The following RIMS2 variants were observed in gnomAD, a reference collection of about 807,000 sequenced individuals.
The protein encoded by RIMS2 is regulating synaptic membrane exocytosis protein 2.
In RIMS2, 59 loss-of-function variants were observed where a neutral mutation model predicts 174.4. That is an observed-to-expected ratio of 0.34 (90% CI 0.27 to 0.42). The LOEUF (loss-of-function observed/expected upper bound fraction) is 0.42, where lower values mean the gene tolerates loss of function less well. Among genes scored for constraint, RIMS2 ranks in the 10% least tolerant of loss-of-function variants. The probability of loss-of-function intolerance (pLI) is 1.00; values close to 1 mark genes in which losing one functional copy is unlikely to be tolerated. For missense variants in RIMS2, 1,620 were observed against 1,666.3 expected, an observed-to-expected ratio of 0.97 and a Z score of 0.48; for synonymous variants, 606 against 572.5, an observed-to-expected ratio of 1.06 and a Z score of -0.84.
intron 1 of RIMS2, among the ~76,000 whole-genome samples, chr8:103,533,661 CAAAAAAAAA>C (rs34355378): frequency 0.013 from 835 of 66,080 alleles, 11 homozygotes; most frequent in African/African-American, 0.045. Context: ...GACCCTGTCT[CAAAAAAAAA>C]AAAAAAAAAA....
At chr8:103,582,559 C>T (rs1320245443) in intron 1 of RIMS2, among the ~76,000 whole-genome samples, 1 of 152,138 alleles carries the variant, frequency 6.6e-6, no homozygotes, top group Non-Finnish European at 1.5e-5. Context: ...GGAGTCCATA[C>T]CTGGAAGGGT....
intron 1 of RIMS2, among the ~76,000 whole-genome samples, chr8:103,597,114 A>G (rs2094507596): frequency 6.6e-6 from 1 of 152,188 alleles, no homozygotes; most frequent in East Asian, 1.9e-4. Flanking sequence ...TTAAGAACAT[A>G]TGCTTATTTT....
intron 19 of RIMS2, among the ~76,000 whole-genome samples, chr8:104,169,013 T>C (rs1219880104): frequency 6.6e-6 from 1 of 151,992 alleles, no homozygotes; most frequent in Non-Finnish European, 1.5e-5. Flanking sequence ...GATCGTAGTG[T>C]ATTATCTTTT....
At chr8:103,523,985 C>CA (rs896508899) in intron 1 of RIMS2, among the ~76,000 whole-genome samples, 1 of 151,800 alleles carries the variant, frequency 6.6e-6, no homozygotes, top group African/African-American at 2.4e-5. Flanking sequence ...TTTTGCTACC[C>CA]AAAAAATGAA....
intron 3 of RIMS2, among the ~76,000 whole-genome samples, chr8:103,827,464 T>G (rs889342335): frequency 6.6e-6 from 1 of 152,242 alleles, no homozygotes; most frequent in Non-Finnish European, 1.5e-5. Flanking sequence ...TTTTATTGCC[T>G]TATTATAATG....
intron 19 of RIMS2, among the ~76,000 whole-genome samples, chr8:104,101,186 G>T (rs1470264517): frequency 6.7e-6 from 1 of 149,924 alleles, no homozygotes; most frequent in African/African-American, 2.5e-5. Context: ...GAGTGCAGTG[G>T]CACAATCTCG....
chr8:104,198,205 CA>C (rs2099035664), intron 19 of RIMS2, among the ~76,000 whole-genome samples: 1 of 152,154 alleles, frequency 6.6e-6, no homozygotes, highest in African/African-American at 2.4e-5. Flanking sequence ...GTTAACAAGG[CA>C]ACAAAGGTTG....
At chr8:103,990,862 A>G (rs572999290) in intron 17 of RIMS2, among the ~76,000 whole-genome samples, 60 of 152,086 alleles carry the variant, frequency 3.9e-4, no homozygotes, top group Admixed American at 6.5e-4. Context: ...AGACAAATAA[A>G]TGCTGTCTAA....
At chr8:103,757,218 A>G (rs2098032544) in intron 2 of RIMS2, among the ~76,000 whole-genome samples, 1 of 152,108 alleles carries the variant, frequency 6.6e-6, no homozygotes. Context: ...TATTAGGTTA[A>G]AGCATTGCTA....
chr8:104,171,524 G>A (rs1438170429), intron 19 of RIMS2, among the ~76,000 whole-genome samples: 1 of 150,890 alleles, frequency 6.6e-6, no homozygotes, highest in African/African-American at 2.4e-5. Flanking sequence ...ATCTCTCTCT[G>A]GAAAATTTTT....
rs769602747 is a variant in RIMS2, at chr8:103,630,199, G to A, written c.177-66887G>A. Among the ~76,000 whole-genome samples the A allele has an allele frequency of 2.2e-4, 34 of 151,526 alleles. 1 individual carries two copies. The highest frequency in any genetic ancestry group is 2.9e-4 in the Non-Finnish European group (20 of 67,918). On this transcript the variant is annotated intron_variant, in intron 1 of 23. Transcript: ENST00000504942. ...CTAGAAAGAAATGATGCCTAACATA[G>A]GAGTAATAATAGTTTGACTAGAAGA... is the stretch of plus-strand genomic sequence containing the variant.
chr8:103,992,058 GA>G (rs546650344), intron 17 of RIMS2, among the ~76,000 whole-genome samples: 43 of 152,004 alleles, frequency 2.8e-4, no homozygotes, highest in African/African-American at 9.6e-4. Flanking sequence ...TAGTAAACAA[GA>G]AAAAAAGAGA....
intron 3 of RIMS2, among the ~76,000 whole-genome samples, chr8:103,789,355 C>G (rs1351588336): frequency 6.6e-6 from 1 of 152,132 alleles, no homozygotes; most frequent in Non-Finnish European, 1.5e-5. Context: ...ATCTCTCTGA[C>G]TTCTGTCTCT....
intron 19 of RIMS2, among the ~76,000 whole-genome samples, chr8:104,079,766 A>G (rs1349621172): frequency 6.6e-6 from 1 of 151,414 alleles, no homozygotes; most frequent in Non-Finnish European, 1.5e-5. Flanking sequence ...TGTCTTTTAT[A>G]TTAAACTATA....
intron 1 of RIMS2, among the ~76,000 whole-genome samples, chr8:103,592,619 A>G (rs766060942): frequency 2.6e-5 from 4 of 151,410 alleles, no homozygotes; most frequent in South Asian, 2.1e-4. Context: ...CCATTTCAGG[A>G]TATATGTGAA....
chr8:103,599,351 G>A (rs562559121), intron 1 of RIMS2, among the ~76,000 whole-genome samples: 1 of 149,620 alleles, frequency 6.7e-6, no homozygotes, highest in South Asian at 2.1e-4. Flanking sequence ...ATCAGCATAC[G>A]AATCTAGTAT....
intron 19 of RIMS2, among the ~76,000 whole-genome samples, chr8:104,112,320 A>G (rs2098200781): frequency 6.6e-6 from 1 of 152,124 alleles, no homozygotes; most frequent in Non-Finnish European, 1.5e-5. Context: ...AATAATGTTG[A>G]TATCTCATTT....
intron 1 of RIMS2, among the ~76,000 whole-genome samples, chr8:103,605,809 T>C (rs1015403089): frequency 2.6e-5 from 4 of 152,066 alleles, no homozygotes; most frequent in African/African-American, 4.8e-5. Context: ...TAGTATTCTC[T>C]GATGGTAGTT....
chr8:104,227,148 A>G (rs544879449), intron 19 of RIMS2, among the ~76,000 whole-genome samples: 1 of 152,104 alleles, frequency 6.6e-6, no homozygotes, highest in Admixed American at 6.5e-5. Flanking sequence ...GGACATTCCC[A>G]TAAACAAAAT....
Sources: gnomAD v4.1 joint callset for allele counts (sites outside exome capture counted in the v4.1 genomes callset) on GRCh38, gnomAD v4.1.1 for gene constraint, MANE v1.5 for transcripts, NCBI Gene and HGNC (gene_info 2026-07-23, HGNC 2026-07-21) for gene names.